The following VPS4B variants were observed in gnomAD, a reference collection of about 807,000 sequenced individuals.
VPS4B encodes vacuolar protein sorting-associated protein 4B.
A neutral mutation model predicts 56.1 loss-of-function variants in VPS4B; 23 were observed. That is an observed-to-expected ratio of 0.41 (90% CI 0.30 to 0.58). VPS4B has a LOEUF of 0.58. VPS4B is among the 20% of genes least tolerant of loss of function. The pLI, the probability that VPS4B is intolerant of heterozygous loss-of-function variation, is 0.29. For missense variants in VPS4B, 372 were observed against 531.9 expected, an observed-to-expected ratio of 0.70 and a Z score of 2.96; for synonymous variants, 177 against 186.0, an observed-to-expected ratio of 0.95 and a Z score of 0.39.
chr18:63,409,845 C>T (rs185289665), intron 3 of VPS4B, among the ~76,000 whole-genome samples: 13 of 152,222 alleles, frequency 8.5e-5, no homozygotes, highest in African/African-American at 2.9e-4. Flanking sequence ...AGGTTTAACT[C>T]TCTGGTCACT....
Position 63,390,794 on chromosome 18 carries a change from TAGG to T in VPS4B, c.*178_*180del, listed in dbSNP as rs1915531256. On this transcript the variant is annotated 3_prime_UTR_variant, in exon 11 of 11. Coordinates refer to ENST00000238497, the MANE Select transcript of VPS4B (RefSeq NM_004869.4). Reference sequence around the variant, plus strand: ...CCTGTTATTTTGTACCTTTTGTTAATAGGAGTATTTAATAAGTAATGGAGGAAA... The same window carrying T: ...CCTGTTATTTTGTACCTTTTGTTAATAGTATTTAATAAGTAATGGAGGAAA... 1 of 465,960 alleles carries T rather than the reference TAGG, an allele frequency of 2.1e-6. No homozygotes were observed. The highest frequency in any genetic ancestry group is 3.8e-6 in the Non-Finnish European group (1 of 261,256). The allele number at this position is 465,960 out of a possible 1,614,324, so 28.9% of individuals were successfully genotyped here. A position where few individuals can be genotyped will look rare whatever the true frequency, so the allele number is the denominator to read the frequency against.
intron 10 of VPS4B, among the ~76,000 whole-genome samples, chr18:63,393,148 T>G (rs1022201491): frequency 9.9e-5 from 15 of 152,220 alleles, no homozygotes; most frequent in African/African-American, 3.4e-4. Context: ...ATATTCTAGC[T>G]ATAAGACCTG....
At chr18:63,420,700 A>T (rs571442847) in intron 1 of VPS4B, among the ~76,000 whole-genome samples, 1 of 152,290 alleles carries the variant, frequency 6.6e-6, no homozygotes, top group Non-Finnish European at 1.5e-5. Flanking sequence ...AGCTACAAAA[A>T]ACTCAAGTGA....
intron 1 of VPS4B, among the ~76,000 whole-genome samples, chr18:63,419,284 C>G (rs1388890801): frequency 6.6e-6 from 1 of 152,158 alleles, no homozygotes; most frequent in Non-Finnish European, 1.5e-5. Context: ...TGTGTTGGTG[C>G]ATGCCTGTAA....
At chr18:63,392,771 G>A (rs1187086824) in intron 10 of VPS4B, among the ~76,000 whole-genome samples, 1 of 143,114 alleles carries the variant, frequency 7.0e-6, no homozygotes, top group East Asian at 2.1e-4. Context: ...TTTTTTTGGA[G>A]ACAGAGTCTC....
intron 1 of VPS4B, chr18:63,416,093 T>C: frequency 5.8e-6 from 1 of 171,716 alleles, no homozygotes; most frequent in Middle Eastern, 7.5e-4. Flanking sequence ...CTGGGTATGA[T>C]ATTGTGCAGT....
rs762091236 is a variant in VPS4B at position 63,422,213 on chromosome 18, C to T, written c.27+20G>A. On this transcript the variant is annotated intron_variant, in intron 1 of 10. Coordinates refer to ENST00000238497, the MANE Select transcript of VPS4B (RefSeq NM_004869.4). ...CCTCGATCCCAGCTCCCTAGGGGGA[C>T]GGGAGATGAGCAATGATACCTGGAG... is the stretch of plus-strand genomic sequence containing the variant. 5.3e-6 allele frequency: 8 copies of T among 1,502,184 alleles called. No individual in the cohort carries two copies. In the South Asian group the frequency reaches 1.0e-4, roughly 19 times the overall value. 93.1% of individuals were successfully genotyped at this position (1,502,184 alleles called of 1,614,324 possible).
chr18:63,422,135 G>C (rs1166472057), intron 1 of VPS4B, 98 bp downstream of exon 1: 6 of 1,318,356 alleles, frequency 4.6e-6, no homozygotes, highest in Non-Finnish European at 6.0e-6. Context: ...CTCGACCACA[G>C]GCGCGGCCGC....
At chr18:63,393,369 G>C in intron 10 of VPS4B, 40 bp downstream of exon 10, 2 of 1,543,812 alleles carry the variant, frequency 1.3e-6, no homozygotes, top group Non-Finnish European at 1.7e-6. Flanking sequence ...GAAGTATAAT[G>C]TTTTAAAATA....
At chr18:63,404,004 A>T (rs1915865957) in intron 4 of VPS4B, among the ~76,000 whole-genome samples, 178 bp from the exon 5 acceptor site, 1 of 152,240 alleles carries the variant, frequency 6.6e-6, no homozygotes, top group South Asian at 2.1e-4. Flanking sequence ...CAATAGGACT[A>T]GGAACCAGGT....
chr18:63,399,485 G>A (rs371597531), intron 7 of VPS4B, among the ~76,000 whole-genome samples, 162 bp from the exon 8 acceptor site: 3 of 152,056 alleles, frequency 2.0e-5, no homozygotes, highest in Non-Finnish European at 2.9e-5. Flanking sequence ...ATCACCTTAC[G>A]GCAATATGAT....
At position 63,390,860 on chromosome 18, in the gene VPS4B, T is replaced by C. The variant is rs760680103; in HGVS notation, c.*115A>G. ...AACCTAATGGAACTCTGAAGTGAGA[T>C]GTGTATTTCCCTGTGGTAAAAGAGT... On this transcript the variant is annotated 3_prime_UTR_variant, in exon 11 of 11. Coordinates refer to ENST00000238497, the MANE Select transcript of VPS4B (RefSeq NM_004869.4). 9 of 654,678 alleles carry C rather than the reference T, an allele frequency of 1.4e-5. No individual in the cohort carries two copies. Among genetic ancestry groups the C allele is most frequent in the African/African-American group, 3.7e-5 (2 of 54,216 alleles). 40.6% of individuals were successfully genotyped at this position (654,678 alleles called of 1,614,324 possible). A position where few individuals can be genotyped will look rare whatever the true frequency, so the allele number is the denominator to read the frequency against.
intron 9 of VPS4B, 88 bp downstream of exon 9, chr18:63,396,946 T>C (rs891717160): frequency 1.5e-6 from 2 of 1,301,632 alleles, no homozygotes; most frequent in East Asian, 2.4e-5. Context: ...GCCCAGATAG[T>C]GCCACTGCAC....
chr18:63,410,779 T>C (rs947477485), intron 2 of VPS4B, among the ~76,000 whole-genome samples: 1 of 152,252 alleles, frequency 6.6e-6, no homozygotes, highest in Non-Finnish European at 1.5e-5. Flanking sequence ...TTGCTTGTCT[T>C]AGACAAACCC....
chr18:63,412,562 G>A (rs571107663), intron 1 of VPS4B, among the ~76,000 whole-genome samples: 2 of 152,266 alleles, frequency 1.3e-5, no homozygotes, highest in Non-Finnish European at 2.9e-5. Flanking sequence ...TTTTTAAGAA[G>A]TGGTGCTAGA....
intron 8 of VPS4B, among the ~76,000 whole-genome samples, chr18:63,397,604 G>T (rs912348290): frequency 6.6e-6 from 1 of 152,144 alleles, no homozygotes; most frequent in Non-Finnish European, 1.5e-5. Context: ...TAAAACAGGA[G>T]TAGAGATGAC....
In VPS4B at chr18:63,400,615, G is replaced by A; in HGVS notation, c.573C>T (p.Ala191=). 1 of 1,610,736 alleles carries A rather than the reference G, an allele frequency of 6.2e-7. No individual in the cohort carries two copies. The change falls in exon 6 of 11, where the codon GCC becomes GCT. Residue 191 remains alanine, a synonymous_variant. Transcript: ENST00000238497. The stretch of plus-strand genomic sequence containing the variant: ...ATATTGAAAAAAATGTTGAGTTGTT[G>A]GCTTCTGTTGCTACAGCTTTGGCTA... ...SYLAKAVATE[A]NNSTFFSISS...
rs1252887173 is a variant in VPS4B, at chr18:63,389,793, C to T, written c.*1182G>A. ...ATATACATATATGTACACAGACACC[C>T]CATATCACAGACAAGAAACTTCCCA... On this transcript the variant is annotated 3_prime_UTR_variant, in exon 11 of 11. Transcript: ENST00000238497. 6.6e-6 allele frequency: 1 copy of T among 152,548 alleles called. No homozygotes were observed. Among genetic ancestry groups the T allele is most frequent in the South Asian group, 2.1e-4 (1 of 4,820 alleles). The allele number at this position is 152,548 out of a possible 1,614,324, so 9.4% of individuals were successfully genotyped here.
chr18:63,398,214 TA>T (rs1915718544), intron 8 of VPS4B, among the ~76,000 whole-genome samples: 1 of 112,518 alleles, frequency 8.9e-6, no homozygotes, highest in Admixed American at 9.5e-5. Flanking sequence ...CATATATATA[TA>T]TATATATATT....
Sources: gnomAD v4.1 joint callset for allele counts (sites outside exome capture counted in the v4.1 genomes callset) on GRCh38, gnomAD v4.1.1 for gene constraint, MANE v1.5 for transcripts, NCBI Gene and HGNC (gene_info 2026-07-23, HGNC 2026-07-21) for gene names.